The following CTTNBP2NL variants were observed in gnomAD, a reference collection of about 807,000 sequenced individuals.
CTTNBP2NL encodes CTTNBP2 N-terminal-like protein.
CTTNBP2NL carries 16 observed loss-of-function variants against 32.5 expected under a neutral mutation model. The ratio of observed to expected loss-of-function variants is 0.49; its 90% CI spans 0.33 to 0.75. CTTNBP2NL has a LOEUF of 0.75. CTTNBP2NL is among the 30% of genes least tolerant of loss of function. CTTNBP2NL has a pLI of 0.02. For missense variants in CTTNBP2NL, 645 were observed against 756.0 expected (o/e 0.85, Z 1.72); for synonymous variants, 298 against 289.4 (o/e 1.03, Z -0.30).
intron 3 of CTTNBP2NL, among the ~76,000 whole-genome samples, chr1:112,438,373 G>A (rs2101022122): frequency 6.6e-6 from 1 of 152,258 alleles, no homozygotes; most frequent in African/African-American, 2.4e-5. Flanking sequence ...AGGAATGCTA[G>A]TGATTTTTGT....
At chr1:112,394,614 T>C (rs1291710461), upstream of CTTNBP2NL, among the ~76,000 whole-genome samples, 1 of 152,212 alleles carries the variant, frequency 6.6e-6, no homozygotes, top group African/African-American at 2.4e-5. Context: ...ATCGAGCACC[T>C]TCACTCATAG....
intron 3 of CTTNBP2NL, among the ~76,000 whole-genome samples, chr1:112,447,272 TAAAAAAAA>T (rs35522134): frequency 1.4e-5 from 1 of 69,678 alleles, no homozygotes; most frequent in Admixed American, 1.9e-4. Context: ...AGACTCCATC[TAAAAAAAA>T]AAAAAAAAAA....
chr1:112,430,058 GT>G (rs1649514277), intron 3 of CTTNBP2NL, among the ~76,000 whole-genome samples: 1 of 152,132 alleles, frequency 6.6e-6, no homozygotes, highest in African/African-American at 2.4e-5. Context: ...TGTGTTAGTT[GT>G]TCATAAATTG....
intron 1 of CTTNBP2NL, among the ~76,000 whole-genome samples, chr1:112,408,306 G>A (rs956460328): frequency 8.0e-5 from 11 of 137,382 alleles, no homozygotes; most frequent in Non-Finnish European, 1.7e-4. Context: ...GCCTCCCAAA[G>A]TGCTGAGATT....
chr1:112,437,219 A>C (rs1649760533), intron 3 of CTTNBP2NL, among the ~76,000 whole-genome samples: 1 of 152,186 alleles, frequency 6.6e-6, no homozygotes, highest in Non-Finnish European at 1.5e-5. Flanking sequence ...ACTTTCCACA[A>C]TGGTTGAACC....
At chr1:112,448,445 TTAACA>T (rs1412018168) in intron 3 of CTTNBP2NL, among the ~76,000 whole-genome samples, 2 of 152,232 alleles carry the variant, frequency 1.3e-5, no homozygotes, top group African/African-American at 4.8e-5. Context: ...ATTATCATAC[TTAACA>T]TGTTTTAGAA....
At chr1:112,453,013 G>C (rs577509753) in intron 4 of CTTNBP2NL, among the ~76,000 whole-genome samples, 10 of 151,912 alleles carry the variant, frequency 6.6e-5, no homozygotes, top group African/African-American at 2.4e-4. Flanking sequence ...TGCTCAGGAG[G>C]CTGAGGTGGG....
At chr1:112,430,544 AGCTTTTT>A (rs1649540438) in intron 3 of CTTNBP2NL, among the ~76,000 whole-genome samples, 1 of 95,866 alleles carries the variant, frequency 1.0e-5, no homozygotes, top group Non-Finnish European at 1.9e-5. Context: ...GGCCATAGCT[AGCTTTTT>A]TTTTTTTTTT....
intron 3 of CTTNBP2NL, among the ~76,000 whole-genome samples, chr1:112,426,809 T>C (rs574102499): frequency 6.6e-6 from 1 of 152,198 alleles, no homozygotes; most frequent in East Asian, 1.9e-4. Flanking sequence ...TTTCACCATA[T>C]TGGCCAGACT....
intron 3 of CTTNBP2NL, among the ~76,000 whole-genome samples, chr1:112,441,889 C>A (rs1649901095): frequency 6.6e-6 from 1 of 152,164 alleles, no homozygotes. Flanking sequence ...ATAAGGTATG[C>A]ATCTTCCCAT....
At position 112,396,250 on chromosome 1, in the gene CTTNBP2NL, G is replaced by T. The variant is rs1053059688; in HGVS notation, c.-156G>T. ...ATGGGGAGTGGAGGCGGAGGGGAGC[G>T]GAGCCCGGAGCGTCGTGGAAAGGTA... On this transcript the variant is annotated 5_prime_UTR_variant, in exon 1 of 6. Transcript: ENST00000271277. 6.6e-6 allele frequency: 1 copy of T among 152,382 alleles called. No individual in the cohort carries two copies. Among genetic ancestry groups the T allele is most frequent in the Non-Finnish European group, 1.5e-5 (1 of 68,200 alleles). The allele number at this position is 152,382 out of a possible 1,614,324, so 9.4% of individuals were successfully genotyped here. A position where few individuals can be genotyped will look rare whatever the true frequency, so the allele number is the denominator to read the frequency against.
chr1:112,444,141 T>A (rs1232531852), intron 3 of CTTNBP2NL, among the ~76,000 whole-genome samples: 1 of 152,256 alleles, frequency 6.6e-6, no homozygotes, highest in Non-Finnish European at 1.5e-5. Flanking sequence ...AATCCAGTTA[T>A]GGTACCAGCC....
upstream of CTTNBP2NL, among the ~76,000 whole-genome samples, chr1:112,394,042 C>A (rs1217068318): frequency 1.3e-5 from 2 of 151,982 alleles, no homozygotes; most frequent in African/African-American, 2.4e-5. Context: ...CCCATCTCTA[C>A]TAAAAATATA....
intron 3 of CTTNBP2NL, among the ~76,000 whole-genome samples, chr1:112,447,000 C>T (rs891045122): frequency 4.6e-5 from 7 of 152,096 alleles, no homozygotes; most frequent in African/African-American, 1.4e-4. Context: ...TTCAGCCAGG[C>T]GCAGTGGCTC....
chr1:112,410,220 C>G (rs1461404130), intron 1 of CTTNBP2NL, among the ~76,000 whole-genome samples: 1 of 152,092 alleles, frequency 6.6e-6, no homozygotes, highest in Non-Finnish European at 1.5e-5. Flanking sequence ...TGGAGAAACC[C>G]CATCTCTACT....
chr1:112,429,266 T>C (rs534363679), intron 3 of CTTNBP2NL, among the ~76,000 whole-genome samples: 1 of 152,246 alleles, frequency 6.6e-6, no homozygotes, highest in Non-Finnish European at 1.5e-5. Context: ...CATTAAAAAC[T>C]GTACCTGTAA....
chr1:112,411,509 T>C (rs1269977372), intron 1 of CTTNBP2NL, among the ~76,000 whole-genome samples: 1 of 152,184 alleles, frequency 6.6e-6, no homozygotes, highest in Admixed American at 6.5e-5. Flanking sequence ...ACACAATTTG[T>C]CTACAAGTGG....
intron 3 of CTTNBP2NL, among the ~76,000 whole-genome samples, chr1:112,425,873 T>C (rs573395825): frequency 6.6e-6 from 1 of 152,062 alleles, no homozygotes; most frequent in Non-Finnish European, 1.5e-5. Flanking sequence ...AATCAATCAG[T>C]CAGTCGTTTC....
intron 3 of CTTNBP2NL, among the ~76,000 whole-genome samples, chr1:112,427,438 T>G (rs1283792713): frequency 6.6e-6 from 1 of 152,250 alleles, no homozygotes; most frequent in South Asian, 2.1e-4. Context: ...TTTCTTTTAC[T>G]GAATTTACTA....
Sources: gnomAD v4.1 joint callset for allele counts (sites outside exome capture counted in the v4.1 genomes callset) on GRCh38, gnomAD v4.1.1 for gene constraint, MANE v1.5 for transcripts, NCBI Gene and HGNC (gene_info 2026-07-23, HGNC 2026-07-21) for gene names.